The following GABRG3 variants were observed in gnomAD, a reference collection of about 807,000 sequenced individuals.
GABRG3 encodes gamma-aminobutyric acid type A receptor subunit gamma3.
Under a neutral mutation model 48.8 loss-of-function variants are expected in GABRG3, and 25 were observed. That is an observed-to-expected ratio of 0.51 (90% CI 0.37 to 0.72). The LOEUF (loss-of-function observed/expected upper bound fraction) is 0.72, where lower values mean the gene tolerates loss of function less well. Among genes scored for constraint, GABRG3 ranks in the 30% least tolerant of loss-of-function variants. The pLI is 0.00. For synonymous variants in GABRG3, 227 were observed against 217.6 expected (o/e 1.04, Z -0.38); for missense variants, 394 against 577.9 (o/e 0.68, Z 3.26).
chr15:27,354,486 C>T (rs1440950548), intron 5 of GABRG3, among the ~76,000 whole-genome samples: 1 of 152,218 alleles, frequency 6.6e-6, no homozygotes, highest in Non-Finnish European at 1.5e-5. Context: ...CCAATCTTAA[C>T]AGTCCAAGTC....
chr15:27,345,523 T>G (rs1894335899), intron 5 of GABRG3, among the ~76,000 whole-genome samples: 1 of 152,244 alleles, frequency 6.6e-6, no homozygotes, highest in African/African-American at 2.4e-5. Flanking sequence ...TTTATTTTAC[T>G]TATCCATGTG....
At chr15:27,115,182 A>G (rs1897620191) in intron 3 of GABRG3, among the ~76,000 whole-genome samples, 1 of 152,076 alleles carries the variant, frequency 6.6e-6, no homozygotes, top group Admixed American at 6.6e-5. Flanking sequence ...TATTGCTAAG[A>G]AGCCTCAGAG....
At chr15:27,110,583 T>G in intron 3 of GABRG3, among the ~76,000 whole-genome samples, 1 of 82,786 alleles carries the variant, frequency 1.2e-5, no homozygotes, top group East Asian at 5.1e-4. Flanking sequence ...ATTCCCTCAA[T>G]TTTTTTTTTG....
At chr15:27,523,934 A>G (rs1281246118) in intron 7 of GABRG3, among the ~76,000 whole-genome samples, 1 of 152,062 alleles carries the variant, frequency 6.6e-6, no homozygotes, top group Non-Finnish European at 1.5e-5. Context: ...CTGGAGTTCC[A>G]GAAAAAGAGA....
chr15:27,268,086 G>A (rs79670696), intron 3 of GABRG3, among the ~76,000 whole-genome samples: 186 of 152,252 alleles, frequency 1.2e-3, no homozygotes, highest in African/African-American at 4.3e-3. Context: ...CTCCTTTGTA[G>A]TTTTCTGGAA....
At chr15:27,026,004 T>C (rs1895976897) in intron 2 of GABRG3, among the ~76,000 whole-genome samples, 1 of 152,172 alleles carries the variant, frequency 6.6e-6, no homozygotes, top group Non-Finnish European at 1.5e-5. Flanking sequence ...GTTCTTTTGC[T>C]GCCATCAAAA....
At chr15:27,039,480 A>C (rs1452779341) in intron 3 of GABRG3, among the ~76,000 whole-genome samples, 1 of 152,168 alleles carries the variant, frequency 6.6e-6, no homozygotes, top group Non-Finnish European at 1.5e-5. Flanking sequence ...AGGTCCCTGC[A>C]TGCTGCTCAG....
At chr15:27,049,913 CT>C in intron 3 of GABRG3, among the ~76,000 whole-genome samples, 1 of 152,188 alleles carries the variant, frequency 6.6e-6, no homozygotes, top group Non-Finnish European at 1.5e-5. Context: ...GTTAAACCCT[CT>C]TGTGGACGGG....
chr15:27,402,741 C>G (rs1887511351), intron 5 of GABRG3, among the ~76,000 whole-genome samples: 2 of 152,164 alleles, frequency 1.3e-5, no homozygotes, highest in Non-Finnish European at 2.9e-5. Context: ...TTTTCATATT[C>G]AATATCCAGG....
intron 3 of GABRG3, among the ~76,000 whole-genome samples, chr15:27,091,008 C>G (rs913560258): frequency 6.6e-6 from 1 of 152,104 alleles, no homozygotes; most frequent in African/African-American, 2.4e-5. Context: ...TTTTTCTTGC[C>G]TAATTGCTCT....
At chr15:27,242,204 C>T (rs886187636) in intron 3 of GABRG3, among the ~76,000 whole-genome samples, 25 of 152,180 alleles carry the variant, frequency 1.6e-4, no homozygotes, top group Admixed American at 1.1e-3. Context: ...TTTTTAGCAA[C>T]AGCTCAGATG....
At chr15:27,107,862 A>G (rs535486046) in intron 3 of GABRG3, among the ~76,000 whole-genome samples, 1 of 151,632 alleles carries the variant, frequency 6.6e-6, no homozygotes, top group African/African-American at 2.4e-5. Context: ...TTTGCATAGA[A>G]TTTTATCTAG....
chr15:27,024,536 C>T (rs1895951097), intron 2 of GABRG3, among the ~76,000 whole-genome samples: 1 of 152,120 alleles, frequency 6.6e-6, no homozygotes. Flanking sequence ...TCCAGTTTTC[C>T]TAGCACTGTT....
At chr15:27,224,621 A>G (rs1270350286) in intron 3 of GABRG3, among the ~76,000 whole-genome samples, 2 of 152,176 alleles carry the variant, frequency 1.3e-5, no homozygotes, top group African/African-American at 2.4e-5. Context: ...TCTTCTTGCA[A>G]TGCTTTTCAC....
intron 3 of GABRG3, among the ~76,000 whole-genome samples, chr15:27,189,138 G>A (rs1173825672): frequency 6.6e-6 from 1 of 151,788 alleles, no homozygotes; most frequent in African/African-American, 2.4e-5. Context: ...TAGCCTTGTA[G>A]TATAGTTTGA....
At chr15:27,055,132 A>G (rs142596985) in intron 3 of GABRG3, among the ~76,000 whole-genome samples, 1 of 152,162 alleles carries the variant, frequency 6.6e-6, no homozygotes, top group Non-Finnish European at 1.5e-5. Context: ...AGGCTGTGTA[A>G]TAGAGACTCC....
intron 3 of GABRG3, among the ~76,000 whole-genome samples, chr15:27,040,040 T>C (rs1201216248): frequency 6.6e-6 from 1 of 152,246 alleles, no homozygotes; most frequent in African/African-American, 2.4e-5. Flanking sequence ...CAAGTCTCCA[T>C]TGGCCTGGGC....
In GABRG3 at chr15:27,447,027, G is replaced by A. The variant is rs577756484; in HGVS notation, c.575-33623G>A. ...ACCAGGGGCAGTACTATGCATTGAG[G>A]GTCTAGGGATGAACCCCACACAAAG... On this transcript the variant is annotated intron_variant, in intron 5 of 9. Transcript: ENST00000615808. The surrounding 1 kb of genome is among the most constrained non-coding windows in gnomAD (Gnocchi z 4.0). Among the ~76,000 whole-genome samples the A allele has an allele frequency of 8.5e-4, 129 of 152,232 alleles. No individual in the cohort carries two copies. Among genetic ancestry groups the A allele is most frequent in the Non-Finnish European group, 1.6e-3 (108 of 68,006 alleles).
At chr15:27,509,869 C>T (rs979439064) in intron 6 of GABRG3, among the ~76,000 whole-genome samples, 1 of 152,148 alleles carries the variant, frequency 6.6e-6, no homozygotes, top group Non-Finnish European at 1.5e-5. Context: ...ATTATTTTGC[C>T]TTTTCAGGCT....
Sources: allele counts gnomAD v4.1 joint callset (sites outside exome capture counted in the v4.1 genomes callset), GRCh38; gene constraint gnomAD v4.1.1; non-coding constraint Gnocchi (gnomAD v3.1); transcripts MANE v1.5; gene names NCBI Gene and HGNC (gene_info 2026-07-23, HGNC 2026-07-21).